Variants in THADA observed in about 807,000 individuals in gnomAD.
The protein encoded by THADA is THADA armadillo repeat containing.
In THADA, 213 loss-of-function variants were observed where a neutral mutation model predicts 219.8. That is an observed-to-expected ratio of 0.97 (90% CI 0.87 to 1.09). The LOEUF is 1.09. THADA is among the 50% of genes least tolerant of loss of function. The pLI is 0.00. For synonymous variants in THADA, 1,018 were observed against 828.9 expected (o/e 1.23, Z -3.92); for missense variants, 2,956 against 2,311.3 (o/e 1.28, Z -5.72).
At chr2:43,289,847 T>G (rs1186452262) in intron 34 of THADA, among the ~76,000 whole-genome samples, 1 of 151,842 alleles carries the variant, frequency 6.6e-6, no homozygotes, top group Non-Finnish European at 1.5e-5. Flanking sequence ...GAGCTGGGGT[T>G]TTGCCATGTT....
At chr2:43,552,045 A>G (rs1410649359) in intron 18 of THADA, 120 bp from the exon 19 acceptor site, 2 of 1,538,768 alleles carry the variant, frequency 1.3e-6, no homozygotes, top group African/African-American at 1.4e-5. Context: ...AACATGTGAG[A>G]CATAAAAATA....
At chr2:43,456,876 T>C (rs1683062802) in intron 26 of THADA, among the ~76,000 whole-genome samples, 1 of 152,070 alleles carries the variant, frequency 6.6e-6, no homozygotes, top group African/African-American at 2.4e-5. Context: ...AGAACATAAC[T>C]CACTTTCAAA....
chr2:43,430,049 T>C (rs939529117), intron 27 of THADA, among the ~76,000 whole-genome samples, 164 bp downstream of exon 27: 1 of 151,832 alleles, frequency 6.6e-6, no homozygotes, highest in Non-Finnish European at 1.5e-5. Context: ...ACCACTGTAC[T>C]CCAGCTTGGG....
rs931318608 is a variant in THADA, at chr2:43,256,605, A to G, written c.5296+23160T>C. Among the ~76,000 whole-genome samples, 33 of 145,948 alleles carry G rather than the reference A, an allele frequency of 2.3e-4. 1 individual carries two copies. Among genetic ancestry groups the G allele is most frequent in the Admixed American group, 2.0e-3 (29 of 14,754 alleles). On this transcript the variant is annotated intron_variant, in intron 36 of 37. Coordinates refer to ENST00000405975, the MANE Select transcript of THADA (RefSeq NM_022065.5). ...TAAAAAAAGAAAAATAAATAAATAA[A>G]TAAATAATTTTTTTTTTTTGGTAGA...
At chr2:43,254,583 A>G (rs564970604) in intron 36 of THADA, among the ~76,000 whole-genome samples, 3 of 152,068 alleles carry the variant, frequency 2.0e-5, no homozygotes, top group Non-Finnish European at 4.4e-5. Context: ...TTTCCTGAAC[A>G]GGCCTCATAC....
At chr2:43,554,198 T>C (rs562890350) in intron 17 of THADA, among the ~76,000 whole-genome samples, 1 of 152,346 alleles carries the variant, frequency 6.6e-6, no homozygotes, top group East Asian at 1.9e-4. Context: ...AAGATCACAA[T>C]GACTGACATC....
At chr2:43,554,849 A>T (rs890214944) in intron 17 of THADA, among the ~76,000 whole-genome samples, 1 of 152,212 alleles carries the variant, frequency 6.6e-6, no homozygotes. Context: ...TCCTTATCTG[A>T]AATGCTTGGG....
intron 31 of THADA, among the ~76,000 whole-genome samples, chr2:43,310,364 G>T (rs1322099168): frequency 6.6e-6 from 1 of 152,016 alleles, no homozygotes; most frequent in Non-Finnish European, 1.5e-5. Context: ...TGATAATCAA[G>T]ACAGTGTGCT....
At chr2:43,373,921 T>C (rs1671082980) in intron 29 of THADA, among the ~76,000 whole-genome samples, 1 of 152,254 alleles carries the variant, frequency 6.6e-6, no homozygotes, top group Non-Finnish European at 1.5e-5. Context: ...CTTACATGCA[T>C]GTTCATTTTA....
intron 30 of THADA, among the ~76,000 whole-genome samples, chr2:43,331,854 A>T (rs1302330802): frequency 1.3e-5 from 2 of 151,130 alleles, no homozygotes; most frequent in Non-Finnish European, 2.9e-5. Flanking sequence ...TCACTGTCTA[A>T]ATTTTCATTT....
intron 35 of THADA, among the ~76,000 whole-genome samples, chr2:43,282,553 T>C (rs1411064800): frequency 6.6e-6 from 1 of 152,154 alleles, no homozygotes; most frequent in Admixed American, 6.5e-5. Flanking sequence ...GGGCTGGGCA[T>C]GGAAGAGGTA....
chr2:43,314,383 G>T (rs1410351042), intron 31 of THADA, among the ~76,000 whole-genome samples: 1 of 151,910 alleles, frequency 6.6e-6, no homozygotes, highest in Non-Finnish European at 1.5e-5. Flanking sequence ...CAACAAGAGA[G>T]CTTAAAATGA....
chr2:43,386,789 C>G (rs1032954287), intron 29 of THADA, among the ~76,000 whole-genome samples: 3 of 150,450 alleles, frequency 2.0e-5, no homozygotes, highest in Non-Finnish European at 4.4e-5. Context: ...TCCAGCTACT[C>G]GGGAGGCTGA....
chr2:43,498,258 G>C (rs1288517771), intron 25 of THADA, among the ~76,000 whole-genome samples: 2 of 152,108 alleles, frequency 1.3e-5, no homozygotes, highest in Non-Finnish European at 2.9e-5. Context: ...TGTTTAATGA[G>C]TACAGAGCTT....
intron 21 of THADA, among the ~76,000 whole-genome samples, chr2:43,537,897 A>G (rs1472199548): frequency 3.3e-5 from 5 of 150,576 alleles, no homozygotes; most frequent in Non-Finnish European, 7.4e-5. Flanking sequence ...TCAAAATGGA[A>G]CCACAGCACT....
At chr2:43,244,981 G>A (rs1668984318) in intron 36 of THADA, among the ~76,000 whole-genome samples, 2 of 152,148 alleles carry the variant, frequency 1.3e-5, no homozygotes, top group Non-Finnish European at 2.9e-5. Flanking sequence ...ACTGGCAAGT[G>A]CTGGGCAACC....
chr2:43,376,849 G>A (rs1169167646), intron 29 of THADA, among the ~76,000 whole-genome samples: 1 of 152,198 alleles, frequency 6.6e-6, no homozygotes. Context: ...AAATGACTGT[G>A]TGACTTCATA....
At chr2:43,511,627 T>G (rs1690459789) in intron 22 of THADA, among the ~76,000 whole-genome samples, 1 of 129,144 alleles carries the variant, frequency 7.7e-6, no homozygotes, top group African/African-American at 3.1e-5. Flanking sequence ...AGACTGTTTT[T>G]TGCTGGTTCT....
At chr2:43,305,790 C>T (rs1676785736) in intron 31 of THADA, among the ~76,000 whole-genome samples, 1 of 152,126 alleles carries the variant, frequency 6.6e-6, no homozygotes, top group African/African-American at 2.4e-5. Context: ...AGCCTTTGCC[C>T]AACACAGGGA....
Sources: allele counts gnomAD v4.1 joint callset (sites outside exome capture counted in the v4.1 genomes callset), GRCh38; gene constraint gnomAD v4.1.1; transcripts MANE v1.5; gene names NCBI Gene and HGNC (gene_info 2026-07-23, HGNC 2026-07-21).